SLC35F1: variants seen among roughly 807,000 people sequenced by gnomAD.
SLC35F1 encodes solute carrier family 35 member F1, also known as chromosome 6 open reading frame 169.
SLC35F1 carries 14 observed loss-of-function variants against 48.7 expected under a neutral mutation model. The observed-to-expected ratio is 0.29, with a 90% CI of 0.19 to 0.45. SLC35F1 has a LOEUF of 0.45. Ranked by LOEUF, SLC35F1 falls within the 20% of genes least tolerant of loss-of-function variation. The pLI, the probability that SLC35F1 is intolerant of heterozygous loss-of-function variation, is 1.00. For synonymous variants in SLC35F1, 190 were observed against 202.2 expected, an observed-to-expected ratio of 0.94 and a Z score of 0.51; for missense variants, 404 against 500.0, an observed-to-expected ratio of 0.81 and a Z score of 1.83.
At chr6:117,924,486 G>GTATATACA (rs1361769187) in intron 1 of SLC35F1, among the ~76,000 whole-genome samples, 1,949 of 17,900 alleles carry the variant, frequency 0.11, 85 homozygotes, top group South Asian at 0.24. Context: ...ATGTATATAC[G>GTATATACA]TATATACATA....
In SLC35F1 at chr6:117,947,903, A is replaced by G. The variant is rs534909748; in HGVS notation, c.173+40004A>G. 5.3e-5 allele frequency among the ~76,000 whole-genome samples: 8 copies of G among 152,292 alleles called. No homozygotes were observed. The East Asian group carries it at 1.5e-3, about 29-fold the overall frequency. Reference sequence around the variant, plus strand: ...GCCATGTTACTGGATGAAATCTCCAAGGAATTGAGTATAGATGAAGGAAGA... The same window carrying G: ...GCCATGTTACTGGATGAAATCTCCAGGGAATTGAGTATAGATGAAGGAAGA... On this transcript the variant is annotated intron_variant, in intron 1 of 7. Transcript: ENST00000360388.
intron 7 of SLC35F1, among the ~76,000 whole-genome samples, chr6:118,307,241 A>C (rs188943610): frequency 6.1e-4 from 93 of 152,326 alleles, no homozygotes; most frequent in African/African-American, 2.2e-3. Context: ...TTAAATTAAC[A>C]TGAATTGAGA....
chr6:118,296,182 C>A (rs942874236), intron 7 of SLC35F1, among the ~76,000 whole-genome samples: 2 of 152,188 alleles, frequency 1.3e-5, no homozygotes, highest in African/African-American at 4.8e-5. Context: ...CACATATTAT[C>A]CATGGCTGCT....
intron 1 of SLC35F1, among the ~76,000 whole-genome samples, chr6:118,119,507 C>T (rs1470309390): frequency 8.3e-6 from 1 of 120,662 alleles, no homozygotes; most frequent in Admixed American, 8.9e-5. Context: ...CCCCCTCCAC[C>T]CCGCTTTTTT....
intron 1 of SLC35F1, among the ~76,000 whole-genome samples, chr6:118,054,444 G>A (rs559382890): frequency 6.6e-6 from 1 of 152,170 alleles, no homozygotes; most frequent in African/African-American, 2.4e-5. Flanking sequence ...ATTTACTTTG[G>A]GACAAAATAT....
chr6:118,233,771 G>A (rs1027510426), intron 2 of SLC35F1, among the ~76,000 whole-genome samples: 1 of 152,206 alleles, frequency 6.6e-6, no homozygotes, highest in Non-Finnish European at 1.5e-5. Flanking sequence ...GACCAGAGAA[G>A]GGCTACATTT....
chr6:118,155,500 C>T (rs559209461), intron 2 of SLC35F1, among the ~76,000 whole-genome samples: 1 of 152,304 alleles, frequency 6.6e-6, no homozygotes, highest in East Asian at 1.9e-4. Flanking sequence ...GCTCTTGTGC[C>T]TGTCTGCCAT....
At chr6:118,216,636 A>G (rs183007412) in intron 2 of SLC35F1, among the ~76,000 whole-genome samples, 14 of 152,210 alleles carry the variant, frequency 9.2e-5, no homozygotes, top group Admixed American at 9.2e-4. Flanking sequence ...AGAATTGACT[A>G]TATTTATTAA....
At chr6:118,071,838 C>T (rs1046014562) in intron 1 of SLC35F1, among the ~76,000 whole-genome samples, 2 of 152,134 alleles carry the variant, frequency 1.3e-5, no homozygotes, top group Non-Finnish European at 2.9e-5. Flanking sequence ...CCAGTTCTTC[C>T]CCCAGAAGTG....
chr6:118,200,448 T>C (rs1774860363), intron 2 of SLC35F1, among the ~76,000 whole-genome samples: 1 of 152,196 alleles, frequency 6.6e-6, no homozygotes, highest in African/African-American at 2.4e-5. Flanking sequence ...TGTAATACCC[T>C]GTCCCCTGCC....
chr6:118,100,678 G>A (rs1306508193), intron 1 of SLC35F1, among the ~76,000 whole-genome samples: 1 of 152,026 alleles, frequency 6.6e-6, no homozygotes, highest in Non-Finnish European at 1.5e-5. Flanking sequence ...CATCAACCAG[G>A]GCAGCTCACG....
At chr6:117,941,574 C>A (rs1360055416) in intron 1 of SLC35F1, among the ~76,000 whole-genome samples, 2 of 152,160 alleles carry the variant, frequency 1.3e-5, no homozygotes, top group East Asian at 3.8e-4. Context: ...TGTGACATGC[C>A]TACTTACCTT....
intron 1 of SLC35F1, among the ~76,000 whole-genome samples, chr6:118,035,914 G>C (rs925787874): frequency 1.3e-5 from 2 of 151,648 alleles, no homozygotes; most frequent in African/African-American, 2.4e-5. Context: ...GGATGGTCTT[G>C]ATCTCCTGAC....
chr6:118,257,251 TA>T (rs1775657547), intron 3 of SLC35F1, among the ~76,000 whole-genome samples: 1 of 152,062 alleles, frequency 6.6e-6, no homozygotes, highest in Non-Finnish European at 1.5e-5. Context: ...TAATATCCAG[TA>T]GGAGACTTTA....
At chr6:118,272,468 G>A (rs1482704734) in intron 4 of SLC35F1, among the ~76,000 whole-genome samples, 16 of 151,990 alleles carry the variant, frequency 1.1e-4, no homozygotes, top group Non-Finnish European at 1.9e-4. Context: ...TGAACATTGT[G>A]CAAAAATTGC....
intron 1 of SLC35F1, among the ~76,000 whole-genome samples, chr6:118,093,995 G>A (rs1773113694): frequency 6.6e-6 from 1 of 152,192 alleles, no homozygotes; most frequent in East Asian, 1.9e-4. Context: ...GTTCTGAAGC[G>A]ATGCATGTAA....
At chr6:118,257,713 C>T (rs1775664108) in intron 3 of SLC35F1, among the ~76,000 whole-genome samples, 1 of 152,164 alleles carries the variant, frequency 6.6e-6, no homozygotes. Context: ...ACACAAAAGA[C>T]AGCCTCTAAA....
At chr6:118,305,875 C>T (rs1776306286) in intron 7 of SLC35F1, among the ~76,000 whole-genome samples, 1 of 152,124 alleles carries the variant, frequency 6.6e-6, no homozygotes, top group Non-Finnish European at 1.5e-5. Flanking sequence ...TTTCTGTATT[C>T]CCTGGTCATG....
intron 3 of SLC35F1, among the ~76,000 whole-genome samples, chr6:118,255,422 C>T (rs571359410): frequency 3.9e-5 from 6 of 152,122 alleles, no homozygotes; most frequent in Non-Finnish European, 8.8e-5. Context: ...TGATGATACC[C>T]GATGATCCTC....
Sources: allele counts gnomAD v4.1 joint callset (sites outside exome capture counted in the v4.1 genomes callset), GRCh38; gene constraint gnomAD v4.1.1; transcripts MANE v1.5; gene names NCBI Gene and HGNC (gene_info 2026-07-23, HGNC 2026-07-21).